The following FURIN variants were observed in gnomAD, a reference collection of about 807,000 sequenced individuals.
FURIN encodes the protein furin, paired basic amino acid cleaving enzyme, also known as FES upstream region.
FURIN carries 18 observed loss-of-function variants against 89.2 expected under a neutral mutation model. That is an observed-to-expected ratio of 0.20 (90% CI 0.14 to 0.30). The LOEUF (loss-of-function observed/expected upper bound fraction) is 0.30. Among genes scored for constraint, FURIN ranks in the 10% least tolerant of loss-of-function variants. The pLI, the probability that FURIN is intolerant of heterozygous loss-of-function variation, is 1.00. For missense variants in FURIN, 879 were observed against 1,100.5 expected, an observed-to-expected ratio of 0.80 and a Z score of 2.85; for synonymous variants, 508 against 466.4, an observed-to-expected ratio of 1.09 and a Z score of -1.15.
Position 90,880,134 on chromosome 15 carries a change from G to C in FURIN, c.1417G>C (p.Ala473Pro). The part of the protein sequence containing the change: ...KRLEVRKTVT[A>P]CLGEPNHITR... ...GCTCGAGGTGCGGAAGACCGTGACCGCGTGCCTGGGCGAGCCCAACCACAT... is the reference window on the plus strand; with the variant it reads ...GCTCGAGGTGCGGAAGACCGTGACCCCGTGCCTGGGCGAGCCCAACCACAT... Residue 473 changes from alanine (A) to proline (P), a missense_variant, in exon 13 of 16, where the codon GCG (alanine) becomes CCG (proline). Physicochemically the swap from Ala to Pro is conservative, Grantham distance 27. Transcript: ENST00000268171. The C allele has an allele frequency of 6.2e-7, 1 of 1,609,786 alleles. No individual in the cohort carries two copies. Among genetic ancestry groups the C allele is most frequent in the Non-Finnish European group, 8.5e-7 (1 of 1,177,594 alleles).
rs939344927 is a variant in FURIN, at chr15:90,881,452, G to T, written c.1959G>T (p.Gly653=). The change falls in exon 16 of 16, where the codon GGG becomes GGT. Residue 653 remains glycine (G), a synonymous_variant. Transcript: ENST00000268171. This position sits in a 1 kb window ranked among gnomAD's most constrained non-coding sequence, Gnocchi z 4.3. The stretch of plus-strand genomic sequence containing the variant: ...ACGCCTCATGTGCCACATGCCAGGG[G>T]CCGGCCCTGACAGACTGCCTCAGCT... ...PCHASCATCQ[G]PALTDCLSCP... 4.8e-5 allele frequency: 78 copies of T among 1,612,326 alleles called. No individual in the cohort carries two copies. The highest frequency in any genetic ancestry group is 6.5e-5 in the Non-Finnish European group (77 of 1,179,866).
At position 90,881,584 on chromosome 15, in the gene FURIN, G is replaced by T. The variant is rs1435159130; in HGVS notation, c.2091G>T (p.Glu697Asp). 1.2e-5 allele frequency: 19 copies of T among 1,609,446 alleles called. No individual in the cohort carries two copies. In the East Asian group the frequency reaches 4.2e-4, roughly 36 times the overall value. The part of the protein sequence containing the change: ...PQQQPPRLPP[E>D]VEAGQRLRAG... ...AGCAGCCACCTCGGCTGCCCCCGGAGGTGGAGGCGGGGCAACGGCTGCGGG... is the reference window on the plus strand; with the variant it reads ...AGCAGCCACCTCGGCTGCCCCCGGATGTGGAGGCGGGGCAACGGCTGCGGG... The change falls in exon 16 of 16, where the codon GAG becomes GAT. Residue 697 changes from glutamate (E) to aspartate (D), a missense_variant. Around this residue, in one of 5 missense-constraint regions of FURIN, gnomAD observed 457 missense variants for 490.7 expected, o/e 0.93. Coordinates refer to ENST00000268171, the MANE Select transcript of FURIN (RefSeq NM_002569.4). The surrounding 1 kb of genome is among the most constrained non-coding windows in gnomAD (Gnocchi z 4.3).
rs761381371 is a variant in FURIN, at chr15:90,881,863, C to T, written c.2370C>T (p.Asp790=). Residue 790 remains aspartate, a synonymous_variant, in exon 16 of 16, where the codon GAC becomes GAT. Coordinates refer to ENST00000268171, the MANE Select transcript of FURIN (RefSeq NM_002569.4). The surrounding 1 kb of genome is among the most constrained non-coding windows in gnomAD (Gnocchi z 4.3). ...GCGAGAGGACCGCCTTTATCAAAGA[C>T]CAGAGCGCCCTCTGATGAGCCCACT... is the stretch of plus-strand genomic sequence containing the variant. ...GRGERTAFIK[D]QSAL is the part of the protein sequence containing the mutation. 3 of 1,611,366 alleles carry T rather than the reference C, an allele frequency of 1.9e-6. No individual in the cohort carries two copies. Among genetic ancestry groups the T allele is most frequent in the Admixed American group, 3.3e-5 (2 of 59,892 alleles).
intron 1 of FURIN, among the ~76,000 whole-genome samples, chr15:90,872,493 G>A (rs2151219496): frequency 6.6e-6 from 1 of 152,298 alleles, no homozygotes; most frequent in African/African-American, 2.4e-5. Context: ...TGCTGAGCAG[G>A]TGTGGACACA....
intron 1 of FURIN, 138 bp from the exon 2 acceptor site, chr15:90,875,444 G>A (rs1367842609): frequency 6.3e-6 from 2 of 317,024 alleles, no homozygotes; most frequent in Non-Finnish European, 1.2e-5. Flanking sequence ...TTCTTCTGGG[G>A]AGGACTAATT....
chr15:90,878,558 A>G (rs962201053), intron 8 of FURIN, among the ~76,000 whole-genome samples: 2 of 152,110 alleles, frequency 1.3e-5, no homozygotes, highest in South Asian at 2.1e-4. Context: ...GCCTCAAGCG[A>G]TCCTCCCGCC....
chr15:90,878,182 C>T lies in FURIN; in HGVS notation c.718C>T (p.Leu240=). ...EVTDAVEARS[L]GLNPNHIHIY... ...GACAGATGCAGTGGAGGCACGCTCG[C>T]TGGGCCTGAACCCCAACCACATCCA... is the stretch of plus-strand genomic sequence containing the variant. Residue 240 remains leucine (L), a synonymous_variant, in exon 8 of 16, where the codon CTG becomes TTG. Coordinates refer to ENST00000268171, the MANE Select transcript of FURIN (RefSeq NM_002569.4). The T allele has an allele frequency of 6.2e-7, 1 of 1,613,922 alleles. No homozygotes were observed. Among genetic ancestry groups the T allele is most frequent in the Non-Finnish European group, 8.5e-7 (1 of 1,180,006 alleles).
rs11343964 is a variant in FURIN at position 90,875,029 on chromosome 15, CTTTTTTT to C, written c.-159-537_-159-531del. Among the ~76,000 whole-genome samples the C allele has an allele frequency of 4.0e-3, 404 of 101,256 alleles. 15 individuals are homozygous for C. In the East Asian group the frequency reaches 0.078, roughly 20 times the overall value. 66.4% of individuals were successfully genotyped at this position (101,256 alleles called of 152,430 possible). On this transcript the variant is annotated intron_variant, in intron 1 of 15. Coordinates refer to ENST00000268171, the MANE Select transcript of FURIN (RefSeq NM_002569.4). Reference sequence around the variant, plus strand: ...TCTTCATCCTGCTTCTTCTGTTACACTTTTTTTTTTTTTTTTTTTTTTGAGAGGGAGT... The same window carrying C: ...TCTTCATCCTGCTTCTTCTGTTACACTTTTTTTTTTTTTTTGAGAGGGAGT...
In FURIN at chr15:90,873,465, G is replaced by T. The variant is rs2031433451; in HGVS notation, c.-159-2117G>T. ...AGCCTCGATTTGGGGGCTCCAGCAG[G>T]ACTCACAGCACGGTGGTTGGTGGTG... On this transcript the variant is annotated intron_variant, in intron 1 of 15. Coordinates refer to ENST00000268171, the MANE Select transcript of FURIN (RefSeq NM_002569.4). Among the ~76,000 whole-genome samples the T allele has an allele frequency of 2.6e-5, 4 of 152,202 alleles. 1 individual carries two copies. The highest frequency in any genetic ancestry group is 2.6e-4 in the Admixed American group (4 of 15,280).
chr15:90,880,907 GCCT>G lies in FURIN; in HGVS notation c.1682-17_1682-15del. The G allele has an allele frequency of 6.2e-7, 1 of 1,612,074 alleles. No homozygotes were observed. Among genetic ancestry groups the G allele is most frequent in the Non-Finnish European group, 8.5e-7 (1 of 1,178,134 alleles). ...TGGTGCCAGCACTGTCTTAACTCTT[GCCT>G]CCTCCCCGCTCTGGAACAGGGACGC... On this transcript the variant is annotated intron_variant, in intron 14 of 15. Transcript: ENST00000268171.
In FURIN at chr15:90,878,256, T is replaced by C. The variant is rs1364248473; in HGVS notation, c.792T>C (p.Asp264=). The C allele has an allele frequency of 1.2e-6, 2 of 1,612,220 alleles. No individual in the cohort carries two copies. Among genetic ancestry groups the C allele is most frequent in the South Asian group, 1.1e-5 (1 of 90,984 alleles). The change falls in exon 8 of 16, where the codon GAT becomes GAC. Residue 264 remains aspartate (D), a synonymous_variant. Coordinates refer to ENST00000268171, the MANE Select transcript of FURIN (RefSeq NM_002569.4). ...WGPEDDGKTV[D]GPARLAEEAF... is the part of the protein sequence containing the mutation. ...CCGAGGATGACGGCAAGACAGTGGA[T>C]GGGCCAGCCCGCCTCGCCGAGGAGG...
chr15:90,881,737 G>A lies in FURIN; in HGVS notation c.2244G>A (p.Lys748=). The change falls in exon 16 of 16, where the codon AAG becomes AAA. Residue 748 remains lysine, a synonymous_variant. Coordinates refer to ENST00000268171, the MANE Select transcript of FURIN (RefSeq NM_002569.4). The surrounding 1 kb of genome is among the most constrained non-coding windows in gnomAD (Gnocchi z 4.3). ...CTGGCTTTAGTTTTCGGGGGGTGAAGGTGTACACCATGGACCGTGGCCTCA... is the reference window on the plus strand; with the variant it reads ...CTGGCTTTAGTTTTCGGGGGGTGAAAGTGTACACCATGGACCGTGGCCTCA... ...LRSGFSFRGV[K]VYTMDRGLIS... is the part of the protein sequence containing the mutation. The A allele has an allele frequency of 6.2e-7, 1 of 1,607,652 alleles. No homozygotes were observed. The highest frequency in any genetic ancestry group is 2.2e-5 in the East Asian group (1 of 44,788).
At position 90,881,489 on chromosome 15, in the gene FURIN, G is replaced by T. The variant is rs774139084; in HGVS notation, c.1996G>T (p.Ala666Ser). The T allele has an allele frequency of 6.2e-7, 1 of 1,611,970 alleles. No individual in the cohort carries two copies. The highest frequency in any genetic ancestry group is 8.5e-7 in the Non-Finnish European group (1 of 1,179,752). ...AGACTGCCTCAGCTGCCCCAGCCAC[G>T]CCTCCTTGGACCCTGTGGAGCAGAC... is the stretch of plus-strand genomic sequence containing the variant. ...LTDCLSCPSH[A>S]SLDPVEQTCS... The change falls in exon 16 of 16, where the codon GCC becomes TCC. Residue 666 changes from alanine to serine, a missense_variant. Ala to Ser is a moderately conservative substitution (Grantham distance 99). Transcript: ENST00000268171. The surrounding 1 kb of genome is among the most constrained non-coding windows in gnomAD (Gnocchi z 4.3).
chr15:90,878,230 C>T lies in FURIN; in HGVS notation c.766C>T (p.Pro256Ser). Residue 256 changes from proline (P) to serine (S), a missense_variant, in exon 8 of 16, where the codon CCC becomes TCC. By Grantham distance (74) the Pro-to-Ser change is moderately conservative (BLOSUM62 -1). This residue lies in a region of FURIN where 2 missense variants were observed against 26.2 expected (regional missense o/e 0.08). Transcript: ENST00000268171. ...CCACATCTACAGTGCCAGCTGGGGC[C>T]CCGAGGATGACGGCAAGACAGTGGA... ...HIHIYSASWGPEDDGKTVDGP... is the reference protein window; with the variant it reads ...HIHIYSASWGSEDDGKTVDGP... 1 of 1,613,822 alleles carries T rather than the reference C, an allele frequency of 6.2e-7. No individual in the cohort carries two copies. Among genetic ancestry groups the T allele is most frequent in the Non-Finnish European group, 8.5e-7 (1 of 1,179,964 alleles).
chr15:90,878,977 G>T lies in FURIN; in HGVS notation c.1053+1G>T. 6.4e-7 allele frequency: 1 copy of T among 1,556,912 alleles called. No homozygotes were observed. Among genetic ancestry groups the T allele is most frequent in the Non-Finnish European group, 8.7e-7 (1 of 1,143,842 alleles). Reference sequence around the variant, plus strand: ...TGGCAACCAGAATGAGAAGCAGATCGTGAGTCTTACCTGGGGGTGGGGGCT... The same window carrying T: ...TGGCAACCAGAATGAGAAGCAGATCTTGAGTCTTACCTGGGGGTGGGGGCT... On this transcript the variant is annotated splice_donor_variant, in intron 9 of 15. Coordinates refer to ENST00000268171, the MANE Select transcript of FURIN (RefSeq NM_002569.4). LOFTEE classifies it high-confidence loss of function.
chr15:90,876,264 G>A lies in FURIN; in HGVS notation c.187G>A (p.Asp63Asn), dbSNP rs758787503. 1.9e-6 allele frequency: 3 copies of A among 1,605,268 alleles called. No homozygotes were observed. The highest frequency in any genetic ancestry group is 1.3e-5 in the African/African-American group (1 of 74,716). Reference protein sequence around the residue: ...GFLNLGQIFGDYYHFWHRGVT... With the variant: ...GFLNLGQIFGNYYHFWHRGVT... Reference sequence around the variant, plus strand: ...CCCTGCTCTATTGCAGATCTTCGGGGACTATTACCACTTCTGGCATCGAGG... The same window carrying A: ...CCCTGCTCTATTGCAGATCTTCGGGAACTATTACCACTTCTGGCATCGAGG... The change falls in exon 3 of 16, where the codon GAC becomes AAC. Residue 63 changes from aspartate (D) to asparagine (N), a missense_variant. By Grantham distance (23) the Asp-to-Asn change is conservative. This residue lies in a region of FURIN where 125 missense variants were observed against 125.0 expected (regional missense o/e 1.00). Coordinates refer to ENST00000268171, the MANE Select transcript of FURIN (RefSeq NM_002569.4). This position sits in a 1 kb window ranked among gnomAD's most constrained non-coding sequence, Gnocchi z 5.0.
At position 90,881,578 on chromosome 15, in the gene FURIN, C is replaced by A; in HGVS notation, c.2085C>A (p.Pro695=). ...CACAGCAGCAGCCACCTCGGCTGCCCCCGGAGGTGGAGGCGGGGCAACGGC... is the reference window on the plus strand; with the variant it reads ...CACAGCAGCAGCCACCTCGGCTGCCACCGGAGGTGGAGGCGGGGCAACGGC... ...SPPQQQPPRL[P]PEVEAGQRLR... The change falls in exon 16 of 16, where the codon CCC becomes CCA. Residue 695 remains proline (P), a synonymous_variant. Coordinates refer to ENST00000268171, the MANE Select transcript of FURIN (RefSeq NM_002569.4). This position sits in a 1 kb window ranked among gnomAD's most constrained non-coding sequence, Gnocchi z 4.3. 6.2e-7 allele frequency: 1 copy of A among 1,611,296 alleles called. No homozygotes were observed. The highest frequency in any genetic ancestry group is 8.5e-7 in the Non-Finnish European group (1 of 1,178,624).
intron 1 of FURIN, among the ~76,000 whole-genome samples, chr15:90,870,106 T>C (rs1340392679): frequency 6.6e-6 from 1 of 152,170 alleles, no homozygotes; most frequent in Non-Finnish European, 1.5e-5. Context: ...GTTCTTGCAG[T>C]GTTTGTAAAG....
rs972516167 is a variant in FURIN at position 90,879,984 on chromosome 15, A to C, written c.1376A>C (p.Lys459Thr). ...ATCATCGACATCCTCACCGAGCCCA[A>C]GTGAGGGCTGGACCCAGGCTGGGAG... is the stretch of plus-strand genomic sequence containing the variant. ...KCIIDILTEP[K>T]DIGKRLEVRK... is the part of the protein sequence containing the mutation. The change falls in exon 12 of 16, where the codon AAA (lysine) becomes ACA (threonine). Residue 459 changes from lysine (K) to threonine (T), a missense_variant and splice_region_variant. Coordinates refer to ENST00000268171, the MANE Select transcript of FURIN (RefSeq NM_002569.4). 3 of 1,610,700 alleles carry C rather than the reference A, an allele frequency of 1.9e-6. No individual in the cohort carries two copies. In the African/African-American group the frequency reaches 4.0e-5, roughly 22 times the overall value.
Sources: allele counts gnomAD v4.1 joint callset (sites outside exome capture counted in the v4.1 genomes callset), GRCh38; gene constraint gnomAD v4.1.1; regional missense constraint gnomAD v4.1.1; non-coding constraint Gnocchi (gnomAD v3.1); transcripts MANE v1.5; gene names NCBI Gene and HGNC (gene_info 2026-07-23, HGNC 2026-07-21).